Variants in SYT7 observed in about 807,000 individuals in gnomAD.
SYT7 encodes the protein synaptotagmin 7.
Under a neutral mutation model 75.1 loss-of-function variants are expected in SYT7, and 29 were observed. The ratio of observed to expected loss-of-function variants is 0.39; its 90% CI spans 0.29 to 0.53. The LOEUF is 0.53. Ranked by LOEUF, SYT7 falls within the 20% of genes least tolerant of loss-of-function variation. The probability of loss-of-function intolerance (pLI) is 0.77; values close to 1 mark genes in which losing one functional copy is unlikely to be tolerated. For missense variants in SYT7, 693 were observed against 953.2 expected, an observed-to-expected ratio of 0.73 and a Z score of 3.59; for synonymous variants, 376 against 401.7, an observed-to-expected ratio of 0.94 and a Z score of 0.76.
At chr11:61,578,561 C>A (rs887039697) in intron 1 of SYT7, among the ~76,000 whole-genome samples, 8 of 151,978 alleles carry the variant, frequency 5.3e-5, no homozygotes, top group African/African-American at 1.9e-4. Flanking sequence ...ATGGGGGACA[C>A]AGAGCCCTGG....
At position 61,546,967 on chromosome 11, in the gene SYT7, G is replaced by A. The variant is rs918122831; in HGVS notation, c.347+210C>T. ...CAAGGCTGGCCCTGGGGGAGGGGAC[G>A]GGAGCGGGCAGGCAGGTGGGTTGGG... is the stretch of plus-strand genomic sequence containing the variant. On this transcript the variant is annotated intron_variant, in intron 4 of 12. Coordinates refer to ENST00000539008, the MANE Select transcript of SYT7 (RefSeq NM_001365809.2). This position sits in a 1 kb window ranked among gnomAD's most constrained non-coding sequence, Gnocchi z 7.6. Among the ~76,000 whole-genome samples, 10 of 152,192 alleles carry A rather than the reference G, an allele frequency of 6.6e-5. No individual in the cohort carries two copies. The highest frequency in any genetic ancestry group is 2.1e-4 in the South Asian group (1 of 4,820).
Position 61,580,827 on chromosome 11 carries a change from C to T in SYT7, c.-7G>A. ...CCTCCGGGTCCCGGTACATGGTCCC[C>T]TCGTCGCCGGTTCCCTCCGGGCTCC... On this transcript the variant is annotated 5_prime_UTR_variant, in exon 1 of 13. Coordinates refer to ENST00000539008, the MANE Select transcript of SYT7 (RefSeq NM_001365809.2). This position sits in a 1 kb window ranked among gnomAD's most constrained non-coding sequence, Gnocchi z 6.1. 7.9e-7 allele frequency: 1 copy of T among 1,266,060 alleles called. No individual in the cohort carries two copies. Among genetic ancestry groups the T allele is most frequent in the Non-Finnish European group, 1.0e-6 (1 of 1,003,502 alleles). 78.4% of individuals were successfully genotyped at this position (1,266,060 alleles called of 1,614,324 possible). A position where few individuals can be genotyped will look rare whatever the true frequency, so the allele number is the denominator to read the frequency against.
chr11:61,562,397 T>C (rs2063661302), intron 1 of SYT7, among the ~76,000 whole-genome samples: 1 of 152,142 alleles, frequency 6.6e-6, no homozygotes, highest in Non-Finnish European at 1.5e-5. Flanking sequence ...GGGCTGATAA[T>C]AGTATAGTCT....
chr11:61,528,268 G>A (rs1590839453), intron 8 of SYT7, 83 bp from the exon 9 acceptor site: 31 of 1,516,018 alleles, frequency 2.0e-5, no homozygotes, highest in Non-Finnish European at 2.8e-5. Context: ...ACGGGTGAGA[G>A]GCCAGAGGCG....
At chr11:61,554,247 C>A (rs746715237) in intron 2 of SYT7, among the ~76,000 whole-genome samples, 3 of 152,066 alleles carry the variant, frequency 2.0e-5, no homozygotes, top group Non-Finnish European at 4.4e-5. Context: ...GGGTGGAGAC[C>A]AGTTACAGTT....
chr11:61,552,267 T>C (rs1716806450), intron 2 of SYT7, among the ~76,000 whole-genome samples: 2 of 152,086 alleles, frequency 1.3e-5, no homozygotes, highest in Non-Finnish European at 2.9e-5. Flanking sequence ...ATTTAGCTCA[T>C]GCAGAGCCTA....
Position 61,523,061 on chromosome 11 carries a change from T to C in SYT7, c.1956+14A>G, listed in dbSNP as rs886341264. On this transcript the variant is annotated intron_variant, in intron 12 of 12. Transcript: ENST00000539008. This position sits in a 1 kb window ranked among gnomAD's most constrained non-coding sequence, Gnocchi z 5.0. ...GTGCCAGCAGGTGCACCACACCACC[T>C]GCCTCGCCCCTACCTTGCCGATGAC... 2 of 1,613,822 alleles carry C rather than the reference T, an allele frequency of 1.2e-6. No homozygotes were observed. Among genetic ancestry groups the C allele is most frequent in the Non-Finnish European group, 8.5e-7 (1 of 1,179,962 alleles).
chr11:61,561,543 G>A (rs1352867946), intron 1 of SYT7, among the ~76,000 whole-genome samples: 3 of 152,150 alleles, frequency 2.0e-5, no homozygotes, highest in Admixed American at 6.5e-5. Flanking sequence ...CCCAGGAAGC[G>A]GCCTGCTTCT....
chr11:61,544,601 C>G (rs908358893), intron 5 of SYT7, among the ~76,000 whole-genome samples: 1 of 152,152 alleles, frequency 6.6e-6, no homozygotes, highest in Non-Finnish European at 1.5e-5. Flanking sequence ...GCCTCCTCCC[C>G]CTCCTTGGTG....
At chr11:61,569,513 G>GGGAGACAGGA (rs1453044632) in intron 1 of SYT7, among the ~76,000 whole-genome samples, 4 of 152,304 alleles carry the variant, frequency 2.6e-5, no homozygotes, top group African/African-American at 4.8e-5. Context: ...GGGCAGCAGA[G>GGGAGACAGGA]GGAGCCAGGA....
intron 7 of SYT7, among the ~76,000 whole-genome samples, 194 bp downstream of exon 7, chr11:61,537,950 G>A (rs2062916787): frequency 6.6e-6 from 1 of 152,182 alleles, no homozygotes; most frequent in Non-Finnish European, 1.5e-5. Flanking sequence ...GCCGCAAGTG[G>A]CCTCAGACCC....
chr11:61,555,748 C>A (rs924272533), intron 2 of SYT7, among the ~76,000 whole-genome samples: 1 of 151,542 alleles, frequency 6.6e-6, no homozygotes, highest in East Asian at 1.9e-4. Context: ...TGTGTGCCTG[C>A]GGTGCTTTAT....
rs2063407516 is a variant in SYT7 at position 61,553,407 on chromosome 11, C to T, written c.136-1944G>A. Among the ~76,000 whole-genome samples the T allele has an allele frequency of 6.6e-6, 1 of 152,196 alleles. No homozygotes were observed. Among genetic ancestry groups the T allele is most frequent in the African/African-American group, 2.4e-5 (1 of 41,444 alleles). On this transcript the variant is annotated intron_variant, in intron 2 of 12. Coordinates refer to ENST00000539008, the MANE Select transcript of SYT7 (RefSeq NM_001365809.2). The surrounding 1 kb of genome is among the most constrained non-coding windows in gnomAD (Gnocchi z 5.2). ...CTTTCTGGCTTGGCAGGAGAGCTTG[C>T]CCTGGCCAGCACCCTCTCGTAAGGC...
At chr11:61,536,621 C>T (rs1235107825) in intron 7 of SYT7, among the ~76,000 whole-genome samples, 3 of 152,206 alleles carry the variant, frequency 2.0e-5, no homozygotes, top group East Asian at 3.9e-4. Context: ...ATGGGCTCAG[C>T]GCCTGACAGC....
At chr11:61,527,377 G>C (rs1214791643) in intron 9 of SYT7, among the ~76,000 whole-genome samples, 1 of 152,186 alleles carries the variant, frequency 6.6e-6, no homozygotes, top group Admixed American at 6.5e-5. Flanking sequence ...AAGTCATAGG[G>C]AGGCTCAGGA....
chr11:61,540,547 G>A (rs1362526663), intron 6 of SYT7: 4 of 985,524 alleles, frequency 4.1e-6, no homozygotes, highest in South Asian at 9.4e-5. Flanking sequence ...GCAACTAGGG[G>A]GACATGAGAC....
At chr11:61,544,310 G>A (rs1030657070) in intron 5 of SYT7, among the ~76,000 whole-genome samples, 10 of 152,148 alleles carry the variant, frequency 6.6e-5, no homozygotes, top group Non-Finnish European at 1.3e-4. Flanking sequence ...CCTACCCTGG[G>A]AACCAAAAGA....
chr11:61,528,775 A>G (rs900887352), intron 8 of SYT7, among the ~76,000 whole-genome samples: 2 of 152,168 alleles, frequency 1.3e-5, no homozygotes, highest in African/African-American at 4.8e-5. Context: ...ACTAGGGACA[A>G]GAAAATTGCA....
rs571321087 is a variant in SYT7 at position 61,523,297 on chromosome 11, G to A, written c.1757-23C>T. ...GGTCTAGGGGAGGGAGTGGGGAAGGGTTAGAGGGACCGTGGGGGAGGGACT... is the reference window on the plus strand; with the variant it reads ...GGTCTAGGGGAGGGAGTGGGGAAGGATTAGAGGGACCGTGGGGGAGGGACT... On this transcript the variant is annotated intron_variant, in intron 11 of 12. Coordinates refer to ENST00000539008, the MANE Select transcript of SYT7 (RefSeq NM_001365809.2). The surrounding 1 kb of genome is among the most constrained non-coding windows in gnomAD (Gnocchi z 5.0). The A allele has an allele frequency of 6.2e-7, 1 of 1,610,014 alleles. No homozygotes were observed. The highest frequency in any genetic ancestry group is 2.2e-5 in the East Asian group (1 of 44,850).
Sources: gnomAD v4.1 joint callset for allele counts (sites outside exome capture counted in the v4.1 genomes callset) on GRCh38, gnomAD v4.1.1 for gene constraint, Gnocchi (gnomAD v3.1) non-coding constraint, MANE v1.5 for transcripts, NCBI Gene and HGNC (gene_info 2026-07-23, HGNC 2026-07-21) for gene names.